The following CNTLN variants were observed in gnomAD, a reference collection of about 807,000 sequenced individuals.
The protein encoded by CNTLN is centlein.
Under a neutral mutation model 180.0 loss-of-function variants are expected in CNTLN, and 212 were observed. The ratio of observed to expected loss-of-function variants is 1.18; its 90% CI spans 1.05 to 1.32. CNTLN has a LOEUF of 1.32. Ranked by LOEUF, CNTLN falls within the 40% of genes most tolerant of loss-of-function variation. The probability of loss-of-function intolerance (pLI) is 0.00; values close to 1 mark genes in which losing one functional copy is unlikely to be tolerated. For missense variants in CNTLN, 2,095 were observed against 1,610.9 expected (o/e 1.30, Z -5.14); for synonymous variants, 722 against 563.1 (o/e 1.28, Z -3.99).
At chr9:17,443,108 T>C (rs1051959473) in intron 18 of CNTLN, among the ~76,000 whole-genome samples, 1 of 152,088 alleles carries the variant, frequency 6.6e-6, no homozygotes, top group South Asian at 2.1e-4. Flanking sequence ...TCAGGAAGAA[T>C]ACTTCTATGC....
intron 2 of CNTLN, among the ~76,000 whole-genome samples, chr9:17,215,551 C>A (rs1001623621): frequency 6.6e-6 from 1 of 152,198 alleles, no homozygotes; most frequent in African/African-American, 2.4e-5. Flanking sequence ...ACACTCCATA[C>A]TGGGAGAACG....
At chr9:17,191,917 C>T (rs1011745301) in intron 2 of CNTLN, among the ~76,000 whole-genome samples, 7 of 152,070 alleles carry the variant, frequency 4.6e-5, no homozygotes, top group African/African-American at 1.7e-4. Context: ...CAATTATTGT[C>T]TTGTAATGGA....
rs750940551 is a variant in CNTLN, at chr9:17,309,180, A to G, written c.1269A>G (p.Lys423=). 76 of 1,610,380 alleles carry G rather than the reference A, an allele frequency of 4.7e-5. No homozygotes were observed. Among genetic ancestry groups the G allele is most frequent in the Non-Finnish European group, 6.0e-5 (71 of 1,177,772 alleles). Residue 423 remains lysine (K), a synonymous_variant, in exon 8 of 26, where the codon AAA becomes AAG. Coordinates refer to ENST00000380647, the MANE Select transcript of CNTLN (RefSeq NM_017738.4). ...AAGAGCAAGAAAATGCTAAGTTAAA[A>G]GAAAAACTTCAGGAATCACAGGGAG... ...LQKEQENAKL[K]EKLQESQGAP... is the part of the protein sequence containing the mutation.
At chr9:17,497,085 AG>A (rs750157481) in intron 25 of CNTLN, among the ~76,000 whole-genome samples, 1 of 152,326 alleles carries the variant, frequency 6.6e-6, no homozygotes, top group East Asian at 1.9e-4. Flanking sequence ...AAGGGAGCTC[AG>A]GGAATTCAAT....
At chr9:17,414,400 T>C (rs549475586) in intron 16 of CNTLN, among the ~76,000 whole-genome samples, 1 of 152,216 alleles carries the variant, frequency 6.6e-6, no homozygotes, top group Non-Finnish European at 1.5e-5. Flanking sequence ...TTAGCTACTG[T>C]TAATTTGATA....
chr9:17,268,902 G>A (rs971679250), intron 5 of CNTLN, among the ~76,000 whole-genome samples: 2 of 151,832 alleles, frequency 1.3e-5, no homozygotes, highest in East Asian at 1.9e-4. Flanking sequence ...GCAGTATTAG[G>A]GTGGGAGTGA....
intron 2 of CNTLN, among the ~76,000 whole-genome samples, chr9:17,154,793 T>G (rs1268029185): frequency 6.6e-6 from 1 of 152,206 alleles, no homozygotes; most frequent in African/African-American, 2.4e-5. Flanking sequence ...AATGGACTAA[T>G]TATCAGGACG....
intron 18 of CNTLN, among the ~76,000 whole-genome samples, chr9:17,453,920 A>G (rs1160193370): frequency 2.6e-5 from 4 of 152,306 alleles, no homozygotes; most frequent in African/African-American, 9.6e-5. Flanking sequence ...TCAGGACCAG[A>G]GAAGAAAAGC....
At chr9:17,196,164 C>T (rs867128958) in intron 2 of CNTLN, among the ~76,000 whole-genome samples, 5 of 152,250 alleles carry the variant, frequency 3.3e-5, no homozygotes, top group South Asian at 2.1e-4. Flanking sequence ...GCTGGGATTA[C>T]AGGCGCCTGC....
Position 17,441,399 on chromosome 9 carries a change from A to T in CNTLN, c.3115-16125A>T, listed in dbSNP as rs373457546. ...GATAATGAATACATAATATAAAAAG[A>T]TGTAATTTGTTTCACCAAATTACAT... is the stretch of plus-strand genomic sequence containing the variant. On this transcript the variant is annotated intron_variant, in intron 18 of 25. Transcript: ENST00000380647. Among the ~76,000 whole-genome samples, 323 of 152,310 alleles carry T rather than the reference A, an allele frequency of 2.1e-3. 4 individuals carry two copies. In the South Asian group the frequency reaches 0.035, roughly 16 times the overall value.
At chr9:17,241,248 A>G (rs954265775) in intron 5 of CNTLN, among the ~76,000 whole-genome samples, 1 of 152,154 alleles carries the variant, frequency 6.6e-6, no homozygotes, top group African/African-American at 2.4e-5. Context: ...ATGGCAACAG[A>G]TAGGGGTCTA....
In CNTLN at chr9:17,140,158, A is replaced by G. The variant is rs574967339; in HGVS notation, c.361-3130A>G. The stretch of plus-strand genomic sequence containing the variant: ...TTCGGGGGGGGACTTTATTTTTTGT[A>G]TATGAAAGTTTTTTTAGTAATTCTA... On this transcript the variant is annotated intron_variant, in intron 1 of 25. Transcript: ENST00000380647. 8.5e-5 allele frequency among the ~76,000 whole-genome samples: 13 copies of G among 152,242 alleles called. No individual in the cohort carries two copies. In the South Asian group the frequency reaches 2.5e-3, roughly 29 times the overall value.
At chr9:17,485,533 CAT>C (rs1004758772) in intron 24 of CNTLN, among the ~76,000 whole-genome samples, 1 of 152,062 alleles carries the variant, frequency 6.6e-6, no homozygotes, top group Non-Finnish European at 1.5e-5. Context: ...ATGTAAGACA[CAT>C]GGGAGTAATA....
intron 13 of CNTLN, among the ~76,000 whole-genome samples, chr9:17,385,007 A>G (rs529516084): frequency 1.8e-4 from 27 of 152,350 alleles, no homozygotes; most frequent in African/African-American, 6.3e-4. Context: ...ATTTCTGACC[A>G]ACTGAGTTTA....
At chr9:17,193,507 C>T (rs1821923011) in intron 2 of CNTLN, among the ~76,000 whole-genome samples, 4 of 152,084 alleles carry the variant, frequency 2.6e-5, no homozygotes, top group Admixed American at 6.6e-5. Context: ...AATCTTAAAC[C>T]TCCAAAATTA....
intron 18 of CNTLN, among the ~76,000 whole-genome samples, chr9:17,433,106 A>C (rs1829528510): frequency 1.3e-5 from 2 of 151,730 alleles, no homozygotes; most frequent in South Asian, 4.2e-4. Flanking sequence ...TAAATTCCTC[A>C]CTAGAGGAAG....
chr9:17,318,188 C>T (rs1464358700), intron 8 of CNTLN, among the ~76,000 whole-genome samples: 8 of 151,770 alleles, frequency 5.3e-5, no homozygotes, highest in East Asian at 1.9e-4. Context: ...CCACCACGCC[C>T]GGCTAATTTT....
intron 2 of CNTLN, among the ~76,000 whole-genome samples, chr9:17,158,537 A>T (rs1819458693): frequency 6.6e-6 from 1 of 151,902 alleles, no homozygotes; most frequent in Non-Finnish European, 1.5e-5. Context: ...TTTTATAGTT[A>T]TGAGTTCATT....
intron 15 of CNTLN, among the ~76,000 whole-genome samples, chr9:17,405,348 T>A (rs1456650305): frequency 6.6e-6 from 1 of 151,714 alleles, no homozygotes; most frequent in African/African-American, 2.4e-5. Context: ...ACAGACTGGA[T>A]AACTTATAAT....
Sources: allele counts gnomAD v4.1 joint callset (sites outside exome capture counted in the v4.1 genomes callset), GRCh38; gene constraint gnomAD v4.1.1; transcripts MANE v1.5; gene names NCBI Gene and HGNC (gene_info 2026-07-23, HGNC 2026-07-21).